ANAPC16: variants seen among roughly 807,000 people sequenced by gnomAD.
The protein encoded by ANAPC16 is anaphase-promoting complex subunit 16.
Under a neutral mutation model 13.1 loss-of-function variants are expected in ANAPC16, and 6 were observed. The ratio of observed to expected loss-of-function variants is 0.46; its 90% confidence interval spans 0.25 to 0.90. The LOEUF (loss-of-function observed/expected upper bound fraction) is 0.90, where lower values mean the gene tolerates loss of function less well. Ranked by LOEUF, ANAPC16 falls within the 40% of genes least tolerant of loss-of-function variation. The pLI, the probability that ANAPC16 is intolerant of heterozygous loss-of-function variation, is 0.18. For synonymous variants in ANAPC16, 55 were observed against 51.3 expected, an observed-to-expected ratio of 1.07 and a Z score of -0.31; for missense variants, 113 against 131.1, an observed-to-expected ratio of 0.86 and a Z score of 0.67.
intron 2 of ANAPC16, among the ~76,000 whole-genome samples, chr10:72,228,009 C>A (rs543013340): frequency 6.8e-6 from 1 of 146,120 alleles, no homozygotes; most frequent in African/African-American, 2.6e-5. Flanking sequence ...CCAGCCTGGG[C>A]GACAGAGCGA....
chr10:72,229,847 C>T (rs924186760), intron 2 of ANAPC16, among the ~76,000 whole-genome samples: 1 of 152,142 alleles, frequency 6.6e-6, no homozygotes, highest in African/African-American at 2.4e-5. Flanking sequence ...TTACAGTTTG[C>T]GTTCACAGAA....
chr10:72,221,786 A>G (rs1859945650), intron 1 of ANAPC16, among the ~76,000 whole-genome samples: 1 of 146,840 alleles, frequency 6.8e-6, no homozygotes, highest in African/African-American at 2.5e-5. Flanking sequence ...CTGGAGTGCA[A>G]TGGTGCAGTC....
At chr10:72,220,602 T>G (rs1246153947) in intron 1 of ANAPC16, 1 of 149,842 alleles carries the variant, frequency 6.7e-6, no homozygotes, top group Non-Finnish European at 1.5e-5. Flanking sequence ...GAGGCTGCAA[T>G]AGCATGATCA....
chr10:72,226,183 T>A (rs559893004), intron 2 of ANAPC16, among the ~76,000 whole-genome samples: 1 of 151,704 alleles, frequency 6.6e-6, no homozygotes, highest in Non-Finnish European at 1.5e-5. Context: ...ACCTGGCTAA[T>A]TTTTTTAATA....
intron 2 of ANAPC16, among the ~76,000 whole-genome samples, chr10:72,228,896 C>T (rs7919980): frequency 0.088 from 13,405 of 152,190 alleles, 1,593 homozygotes; most frequent in African/African-American, 0.26. Flanking sequence ...TGATTAAATG[C>T]AAGTGAGAGG....
rs1370665175 is a variant in ANAPC16, at chr10:72,233,996, G to T, written c.*880G>T. The stretch of plus-strand genomic sequence containing the variant: ...TAGGAGTACATAAATTTATCTTAAT[G>T]ATATTTAAGTAGTTTTTTTTTTTTT... On this transcript the variant is annotated 3_prime_UTR_variant, in exon 4 of 4. Transcript: ENST00000299381. 6.6e-6 allele frequency: 1 copy of T among 151,196 alleles called. No individual in the cohort carries two copies. Among genetic ancestry groups the T allele is most frequent in the African/African-American group, 2.4e-5 (1 of 40,848 alleles). The allele number at this position is 151,196 out of a possible 1,614,324, so 9.4% of individuals were successfully genotyped here.
rs1860433258 is a variant in ANAPC16 at position 72,235,134 on chromosome 10, G to A, written c.*2018G>A. On this transcript the variant is annotated 3_prime_UTR_variant, in exon 4 of 4. Coordinates refer to ENST00000299381, the MANE Select transcript of ANAPC16 (RefSeq NM_173473.4). ...CCATTGCACTCTAGTCTGGGTGACA[G>A]AGCGAGACTCTGTCTCAAAAAAAAA... 1 of 149,280 alleles carries A rather than the reference G, an allele frequency of 6.7e-6. No homozygotes were observed. The highest frequency in any genetic ancestry group is 2.5e-5 in the African/African-American group (1 of 39,920). The allele number at this position is 149,280 out of a possible 1,614,324, so 9.2% of individuals were successfully genotyped here. A position where few individuals can be genotyped will look rare whatever the true frequency, so the allele number is the denominator to read the frequency against.
intron 2 of ANAPC16, among the ~76,000 whole-genome samples, chr10:72,230,054 G>C (rs1409631886): frequency 1.3e-5 from 2 of 152,140 alleles, no homozygotes; most frequent in Non-Finnish European, 2.9e-5. Flanking sequence ...ACATACAGGA[G>C]AACATTAAGG....
chr10:72,222,471 TAA>T (rs58236784), intron 1 of ANAPC16, among the ~76,000 whole-genome samples: 12,768 of 139,312 alleles, frequency 0.092, 1,476 homozygotes, highest in African/African-American at 0.27. Flanking sequence ...TGTCTCTATT[TAA>T]AAAAAAAAAA....
At chr10:72,216,598 C>T (rs1415385349) in intron 1 of ANAPC16, among the ~76,000 whole-genome samples, 1 of 151,750 alleles carries the variant, frequency 6.6e-6, no homozygotes, top group Non-Finnish European at 1.5e-5. Flanking sequence ...AATAATTTGC[C>T]TTTGTACTAG....
intron 2 of ANAPC16, among the ~76,000 whole-genome samples, chr10:72,229,084 G>A (rs1207050856): frequency 2.0e-5 from 3 of 151,388 alleles, no homozygotes; most frequent in Non-Finnish European, 2.9e-5. Context: ...TTTTAAGCAA[G>A]AATATGAATA....
At position 72,225,416 on chromosome 10, in the gene ANAPC16, A is replaced by G. The variant is rs1330123662; in HGVS notation, c.142+1360A>G. Among the ~76,000 whole-genome samples, 13 of 152,116 alleles carry G rather than the reference A, an allele frequency of 8.5e-5. No homozygotes were observed. In the South Asian group the frequency reaches 1.2e-3, roughly 15 times the overall value. On this transcript the variant is annotated intron_variant, in intron 2 of 3. Transcript: ENST00000299381. ...GCCCTTCTCATGAAGGCAGTCTTCC[A>G]TATTTTGAAAAACATTGGGACCAGG...
intron 2 of ANAPC16, among the ~76,000 whole-genome samples, chr10:72,226,432 G>A (rs906190475): frequency 1.3e-5 from 2 of 152,080 alleles, no homozygotes; most frequent in Non-Finnish European, 2.9e-5. Context: ...CCAGCACTTT[G>A]GGAGGCTGAG....
At chr10:72,221,037 C>T (rs1318514423) in intron 1 of ANAPC16, among the ~76,000 whole-genome samples, 1 of 152,156 alleles carries the variant, frequency 6.6e-6, no homozygotes, top group Non-Finnish European at 1.5e-5. Context: ...CTGCCTCAGC[C>T]TTCCAAGTAG....
intron 1 of ANAPC16, 183 bp downstream of exon 1, chr10:72,216,321 G>A (rs1331569498): frequency 1.2e-5 from 2 of 161,622 alleles, no homozygotes; most frequent in African/African-American, 2.4e-5. Flanking sequence ...TGCGGGCCGA[G>A]GGCTGGCGCC....
At chr10:72,225,698 G>A (rs1860098744) in intron 2 of ANAPC16, among the ~76,000 whole-genome samples, 3 of 152,126 alleles carry the variant, frequency 2.0e-5, no homozygotes, top group Admixed American at 6.6e-5. Context: ...TCAGGAGATT[G>A]AGACCATCTT....
intron 3 of ANAPC16, 22 bp downstream of exon 3, chr10:72,230,462 A>G (rs1351718321): frequency 6.2e-7 from 1 of 1,603,954 alleles, no homozygotes; most frequent in Admixed American, 1.7e-5. Context: ...AGTGTTGCGT[A>G]CTTGACTGTG....
chr10:72,225,030 T>G (rs1296680895), intron 2 of ANAPC16, among the ~76,000 whole-genome samples: 2 of 152,160 alleles, frequency 1.3e-5, no homozygotes, highest in East Asian at 3.8e-4. Flanking sequence ...ATGCCTGTAA[T>G]TCTAGCACTT....
chr10:72,230,236 C>T (rs374464766), intron 2 of ANAPC16, 130 bp from the exon 3 acceptor site: 1 of 621,034 alleles, frequency 1.6e-6, no homozygotes, highest in East Asian at 2.8e-5. Flanking sequence ...AAGCAGAACC[C>T]GTCTTTGTAA....
Sources: allele counts gnomAD v4.1 joint callset (sites outside exome capture counted in the v4.1 genomes callset), GRCh38; gene constraint gnomAD v4.1.1; transcripts MANE v1.5; gene names NCBI Gene and HGNC (gene_info 2026-07-23, HGNC 2026-07-21).